Variants in NRG3 observed in about 807,000 individuals in gnomAD.
NRG3 encodes the protein neuregulin 3.
In NRG3, 31 loss-of-function variants were observed where a neutral mutation model predicts 66.9. The ratio of observed to expected loss-of-function variants is 0.46; its 90% confidence interval spans 0.35 to 0.63. NRG3 has a LOEUF of 0.63. NRG3 is among the 20% of genes least tolerant of loss of function. The probability of loss-of-function intolerance (pLI) is 0.00; values close to 1 mark genes in which losing one functional copy is unlikely to be tolerated. For missense variants in NRG3, 910 were observed against 878.9 expected (o/e 1.04, Z -0.45); for synonymous variants, 393 against 359.4 (o/e 1.09, Z -1.06).
intron 2 of NRG3, among the ~76,000 whole-genome samples, chr10:82,601,856 A>T (rs1030794199): frequency 6.8e-6 from 1 of 147,872 alleles, no homozygotes; most frequent in Non-Finnish European, 1.5e-5. Flanking sequence ...GCTAAAAAAA[A>T]AAATTATTTA....
At chr10:82,275,963 T>C (rs1291926003) in intron 1 of NRG3, among the ~76,000 whole-genome samples, 2 of 152,006 alleles carry the variant, frequency 1.3e-5, no homozygotes, top group Non-Finnish European at 2.9e-5. Context: ...AATATGCAAA[T>C]ATTCTGCAAA....
intron 1 of NRG3, among the ~76,000 whole-genome samples, chr10:82,236,255 G>A (rs968029299): frequency 6.6e-6 from 1 of 152,188 alleles, no homozygotes; most frequent in African/African-American, 2.4e-5. Flanking sequence ...AAATGAGATA[G>A]CAAGCACAAC....
intron 1 of NRG3, among the ~76,000 whole-genome samples, chr10:82,005,116 C>T (rs2061334034): frequency 6.6e-6 from 1 of 152,210 alleles, no homozygotes; most frequent in Non-Finnish European, 1.5e-5. Flanking sequence ...GGTCAGGGAT[C>T]AAAATAGCTA....
intron 1 of NRG3, among the ~76,000 whole-genome samples, chr10:82,344,192 TCC>T (rs1403373958): frequency 6.7e-6 from 1 of 149,698 alleles, no homozygotes; most frequent in Non-Finnish European, 1.5e-5. Flanking sequence ...TAGGTATATC[TCC>T]CAATGCTATC....
intron 3 of NRG3, among the ~76,000 whole-genome samples, chr10:82,794,191 A>G (rs1333209): frequency 1.2e-4 from 19 of 152,114 alleles, no homozygotes; most frequent in Non-Finnish European, 2.5e-4. Context: ...TAAATATCCT[A>G]TCTCATTCAT....
At chr10:82,378,224 A>T (rs1034300314) in intron 2 of NRG3, among the ~76,000 whole-genome samples, 1 of 152,242 alleles carries the variant, frequency 6.6e-6, no homozygotes, top group African/African-American at 2.4e-5. Context: ...TGGAAAAGTT[A>T]CAGAGGGAAA....
intron 2 of NRG3, among the ~76,000 whole-genome samples, chr10:82,511,606 C>A (rs553723124): frequency 1.8e-4 from 27 of 152,092 alleles, no homozygotes; most frequent in African/African-American, 6.5e-4. Context: ...CAGAAGCTGG[C>A]CATTTTATTT....
At chr10:82,115,110 A>G (rs1302025209) in intron 1 of NRG3, among the ~76,000 whole-genome samples, 1 of 152,126 alleles carries the variant, frequency 6.6e-6, no homozygotes, top group African/African-American at 2.4e-5. Flanking sequence ...TACATGAGGC[A>G]GTGGAGACTT....
intron 2 of NRG3, among the ~76,000 whole-genome samples, chr10:82,498,900 A>C (rs1843872913): frequency 6.6e-6 from 1 of 152,174 alleles, no homozygotes; most frequent in African/African-American, 2.4e-5. Flanking sequence ...CAGTAAATTT[A>C]GGTCACCCAT....
intron 2 of NRG3, among the ~76,000 whole-genome samples, chr10:82,450,677 A>G (rs1230411154): frequency 6.6e-6 from 1 of 152,172 alleles, no homozygotes; most frequent in Non-Finnish European, 1.5e-5. Flanking sequence ...ATTTTTAAAA[A>G]AGGCACTTTA....
intron 1 of NRG3, among the ~76,000 whole-genome samples, chr10:82,169,086 T>C (rs923022123): frequency 1.3e-5 from 2 of 152,262 alleles, no homozygotes; most frequent in Admixed American, 6.6e-5. Flanking sequence ...ATCTTAATAC[T>C]CACATATCTG....
At chr10:82,235,232 C>T (rs2076696326) in intron 1 of NRG3, among the ~76,000 whole-genome samples, 1 of 152,162 alleles carries the variant, frequency 6.6e-6, no homozygotes. Flanking sequence ...TCATGACTGC[C>T]TTCCTGCAAA....
At chr10:82,491,416 A>G (rs918175177) in intron 2 of NRG3, among the ~76,000 whole-genome samples, 1 of 147,254 alleles carries the variant, frequency 6.8e-6, no homozygotes, top group African/African-American at 2.5e-5. Context: ...AAATACCACA[A>G]GGGCATAAAT....
intron 4 of NRG3, among the ~76,000 whole-genome samples, chr10:82,869,997 T>C (rs1006338954): frequency 3.3e-5 from 5 of 150,962 alleles, no homozygotes; most frequent in African/African-American, 4.9e-5. Context: ...TTATTTCACT[T>C]AGTAATTTTC....
chr10:82,619,492 A>G (rs189363503), intron 2 of NRG3, among the ~76,000 whole-genome samples: 141 of 152,304 alleles, frequency 9.3e-4, no homozygotes, highest in Non-Finnish European at 1.5e-3. Context: ...AAAATACCTG[A>G]GGAAAAATGT....
chr10:82,145,575 C>T (rs918815161), intron 1 of NRG3, among the ~76,000 whole-genome samples: 10 of 152,154 alleles, frequency 6.6e-5, no homozygotes, highest in African/African-American at 1.4e-4. Flanking sequence ...ATGTTAATCT[C>T]TTATCACATG....
chr10:82,531,531 G>A (rs938131903), intron 2 of NRG3, among the ~76,000 whole-genome samples: 1 of 151,422 alleles, frequency 6.6e-6, no homozygotes, highest in Admixed American at 6.6e-5. Flanking sequence ...ACCAACATAA[G>A]CCAATTTATT....
chr10:82,822,982 G>A (rs899401252), intron 3 of NRG3, among the ~76,000 whole-genome samples: 2 of 152,142 alleles, frequency 1.3e-5, no homozygotes, highest in Admixed American at 6.5e-5. Flanking sequence ...ATAACAATTC[G>A]AATGCCTAGT....
In NRG3 at chr10:82,378,985, G is replaced by A. The variant is rs528947421; in HGVS notation, c.953+20117G>A. On this transcript the variant is annotated intron_variant, in intron 2 of 8. Transcript: ENST00000372141. Reference sequence around the variant, plus strand: ...GCACTAGAAGATCTGAGTAGTATTCGTGGATGGAGAGCAGAGGGGACACAG... The same window carrying A: ...GCACTAGAAGATCTGAGTAGTATTCATGGATGGAGAGCAGAGGGGACACAG... Among the ~76,000 whole-genome samples, 5 of 152,226 alleles carry A rather than the reference G, an allele frequency of 3.3e-5. No homozygotes were observed. In the East Asian group the frequency reaches 5.8e-4, roughly 18 times the overall value.
Sources: gnomAD v4.1 joint callset for allele counts (sites outside exome capture counted in the v4.1 genomes callset) on GRCh38, gnomAD v4.1.1 for gene constraint, MANE v1.5 for transcripts, NCBI Gene and HGNC (gene_info 2026-07-23, HGNC 2026-07-21) for gene names.